The following GPM6A variants were observed in gnomAD, a reference collection of about 807,000 sequenced individuals.
GPM6A encodes glycoprotein M6A, also known as neuronal membrane glycoprotein M6-a.
A neutral mutation model predicts 32.1 loss-of-function variants in GPM6A; 7 were observed. The ratio of observed to expected loss-of-function variants is 0.22; its 90% CI spans 0.12 to 0.41. The LOEUF is 0.41. Among genes scored for constraint, GPM6A ranks in the 10% least tolerant of loss-of-function variants. The probability of loss-of-function intolerance (pLI) is 1.00; values close to 1 mark genes in which losing one functional copy is unlikely to be tolerated. For missense variants in GPM6A, 235 were observed against 347.2 expected, an observed-to-expected ratio of 0.68 and a Z score of 2.57; for synonymous variants, 130 against 123.4, an observed-to-expected ratio of 1.05 and a Z score of -0.35.
chr4:175,872,523 A>G (rs1192421144), intron 1 of GPM6A: 1 of 152,238 alleles, frequency 6.6e-6, no homozygotes, highest in African/African-American at 2.4e-5. Context: ...AAGATATTTC[A>G]AAAGGTTGTA....
intron 1 of GPM6A, among the ~76,000 whole-genome samples, chr4:175,711,455 T>TATATATATAC (rs1745534988): frequency 6.5e-5 from 2 of 30,690 alleles, no homozygotes; most frequent in African/African-American, 1.4e-4. Context: ...TATATATATA[T>TATATATATAC]ATACACACAC....
At chr4:175,959,450 A>C (rs753511243) in intron 1 of GPM6A, among the ~76,000 whole-genome samples, 54 of 151,822 alleles carry the variant, frequency 3.6e-4, no homozygotes, top group East Asian at 7.7e-4. Flanking sequence ...ACACACACAC[A>C]CCCCACATAC....
chr4:175,778,556 T>C (rs1456841733), intron 1 of GPM6A, among the ~76,000 whole-genome samples: 26 of 131,830 alleles, frequency 2.0e-4, no homozygotes, highest in African/African-American at 7.6e-4. Context: ...ACCTGGGAGG[T>C]GGAGGTTGCA....
At position 175,636,299 on chromosome 4, in the gene GPM6A, CAT is replaced by C. The variant is rs1307457185; in HGVS notation, c.685-1244_685-1243del. On this transcript the variant is annotated intron_variant, in intron 6 of 6. Coordinates refer to ENST00000393658, the MANE Select transcript of GPM6A (RefSeq NM_201591.3). The stretch of plus-strand genomic sequence containing the variant: ...ATATATATATATATATATATATATA[CAT>C]ATATATATGGATTAAATAAGGCTTA... Among the ~76,000 whole-genome samples, 506 of 68,236 alleles carry C rather than the reference CAT, an allele frequency of 7.4e-3. 2 individuals are homozygous for C. Among genetic ancestry groups the C allele is most frequent in the African/African-American group, 0.024 (444 of 18,512 alleles). 44.8% of individuals were successfully genotyped at this position (68,236 alleles called of 152,430 possible).
chr4:175,711,800 G>A (rs1398735991), intron 1 of GPM6A, among the ~76,000 whole-genome samples: 1 of 151,826 alleles, frequency 6.6e-6, no homozygotes, highest in East Asian at 1.9e-4. Flanking sequence ...CTGTTAGCAG[G>A]ACTCCATCTC....
intron 1 of GPM6A, among the ~76,000 whole-genome samples, chr4:175,908,161 C>T (rs934618431): frequency 7.9e-5 from 12 of 152,056 alleles, no homozygotes; most frequent in Non-Finnish European, 1.3e-4. Flanking sequence ...TTTATGAAAA[C>T]CTGTCAAGTC....
At chr4:175,745,644 T>G (rs928084740) in intron 1 of GPM6A, among the ~76,000 whole-genome samples, 1 of 152,162 alleles carries the variant, frequency 6.6e-6, no homozygotes, top group Admixed American at 6.6e-5. Flanking sequence ...AACATTATAA[T>G]TATTCCTAGG....
In GPM6A at chr4:175,677,665, A is replaced by T. The variant is rs181463478; in HGVS notation, c.231-3829T>A. Among the ~76,000 whole-genome samples the T allele has an allele frequency of 2.4e-3, 363 of 152,298 alleles. 3 individuals carry two copies. The highest frequency in any genetic ancestry group is 8.2e-3 in the African/African-American group (340 of 41,576). ...TCTAAAAACTAATTATTGCTCAGAAAATCTTTTTCCGATCATTCTGGTTCT... is the reference window on the plus strand; with the variant it reads ...TCTAAAAACTAATTATTGCTCAGAATATCTTTTTCCGATCATTCTGGTTCT... On this transcript the variant is annotated intron_variant, in intron 2 of 6. Transcript: ENST00000393658.
At chr4:175,672,406 T>C (rs1743133038) in intron 3 of GPM6A, among the ~76,000 whole-genome samples, 1 of 152,206 alleles carries the variant, frequency 6.6e-6, no homozygotes, top group East Asian at 1.9e-4. Context: ...ACTGTTCCAA[T>C]TGTAATAAAA....
At chr4:175,869,683 G>A (rs1469316772) in intron 1 of GPM6A, among the ~76,000 whole-genome samples, 1 of 152,076 alleles carries the variant, frequency 6.6e-6, no homozygotes, top group Non-Finnish European at 1.5e-5. Context: ...CTTGAACCCA[G>A]GAGGCATAGG....
intron 1 of GPM6A, among the ~76,000 whole-genome samples, chr4:175,849,406 A>G (rs539971391): frequency 6.6e-6 from 1 of 152,330 alleles, no homozygotes; most frequent in Non-Finnish European, 1.5e-5. Flanking sequence ...GGTTTAGCCA[A>G]CGTAGCCAAC....
intron 3 of GPM6A, among the ~76,000 whole-genome samples, chr4:175,667,093 C>T (rs1742794056): frequency 6.6e-6 from 1 of 152,056 alleles, no homozygotes; most frequent in African/African-American, 2.4e-5. Flanking sequence ...AATAGAGAGC[C>T]ATAGAGTATT....
At chr4:175,872,310 T>G (rs953176948) in intron 1 of GPM6A, among the ~76,000 whole-genome samples, 2 of 152,156 alleles carry the variant, frequency 1.3e-5, no homozygotes, top group African/African-American at 4.8e-5. Context: ...CCTTCACTAC[T>G]CTACTCCAGA....
intron 1 of GPM6A, chr4:175,787,428 G>A: frequency 3.3e-6 from 5 of 1,519,732 alleles, no homozygotes; most frequent in Non-Finnish European, 3.5e-6. Flanking sequence ...GCTCTCTCCT[G>A]TGACAATTTA....
intron 1 of GPM6A, among the ~76,000 whole-genome samples, chr4:175,953,078 C>T (rs1739871423): frequency 6.6e-6 from 1 of 150,782 alleles, no homozygotes; most frequent in Admixed American, 6.6e-5. Context: ...ACAGAAATCC[C>T]CTTGCCTTAA....
intron 1 of GPM6A, among the ~76,000 whole-genome samples, chr4:175,808,269 A>G (rs1734779294): frequency 6.6e-6 from 1 of 152,192 alleles, no homozygotes; most frequent in African/African-American, 2.4e-5. Context: ...TAAGTACAAT[A>G]TACAGTATAT....
chr4:175,653,192 T>C (rs1005254380), intron 3 of GPM6A, among the ~76,000 whole-genome samples: 4 of 152,102 alleles, frequency 2.6e-5, no homozygotes, highest in Non-Finnish European at 5.9e-5. Context: ...ATAGAACTTA[T>C]GCACGTATAT....
intron 1 of GPM6A, among the ~76,000 whole-genome samples, chr4:175,860,731 C>G (rs1242044007): frequency 1.3e-5 from 2 of 152,172 alleles, no homozygotes; most frequent in African/African-American, 4.8e-5. Context: ...TCACTCATCA[C>G]TTCATGGCCT....
At chr4:175,645,685 C>T (rs1356010020) in intron 4 of GPM6A, among the ~76,000 whole-genome samples, 1 of 152,156 alleles carries the variant, frequency 6.6e-6, no homozygotes, top group East Asian at 1.9e-4. Flanking sequence ...GGCGCCACTG[C>T]ACTCCAGCCT....
Sources: allele counts gnomAD v4.1 joint callset (sites outside exome capture counted in the v4.1 genomes callset), GRCh38; gene constraint gnomAD v4.1.1; transcripts MANE v1.5; gene names NCBI Gene and HGNC (gene_info 2026-07-23, HGNC 2026-07-21).